The following ASMT variants were observed in gnomAD, a reference collection of about 807,000 sequenced individuals.
ASMT encodes the protein acetylserotonin N-methyltransferase.
A neutral mutation model predicts 41.3 loss-of-function variants in ASMT; 53 were observed. The ratio of observed to expected loss-of-function variants is 1.28; its 90% confidence interval spans 1.03 to 1.61. The LOEUF (loss-of-function observed/expected upper bound fraction) is 1.61. Among genes scored for constraint, ASMT ranks in the 40% most tolerant of loss-of-function variants. The probability of loss-of-function intolerance (pLI) is 0.00; values close to 1 mark genes in which losing one functional copy is unlikely to be tolerated. For synonymous variants in ASMT, 231 were observed against 184.8 expected, an observed-to-expected ratio of 1.25 and a Z score of -2.03; for missense variants, 531 against 441.3, an observed-to-expected ratio of 1.20 and a Z score of -1.82.
intron 7 of ASMT, 108 bp downstream of exon 7, chrX:1,633,398 C>A: frequency 7.5e-7 from 1 of 1,335,328 alleles, no homozygotes. Flanking sequence ...CTCTCACTCC[C>A]GGAAACACCC....
At chrX:1,635,741 A>C (rs1366203957) in intron 7 of ASMT, among the ~76,000 whole-genome samples, 1 of 151,458 alleles carries the variant, frequency 6.6e-6, no homozygotes, top group Non-Finnish European at 1.5e-5. Flanking sequence ...GGGTGCCTGT[A>C]ATCCCAGCTA....
chrX:1,620,750 A>G (rs1934308310), intron 1 of ASMT, among the ~76,000 whole-genome samples: 1 of 152,046 alleles, frequency 6.6e-6, no homozygotes, highest in East Asian at 1.9e-4. Context: ...TTAGCCTGGC[A>G]TGGTGGCGGG....
At chrX:1,636,207 T>C in intron 7 of ASMT, 1 of 605,954 alleles carries the variant, frequency 1.7e-6, no homozygotes, top group Non-Finnish European at 3.1e-6. Flanking sequence ...TCTGCCCACC[T>C]CCGCCTCCCA....
chrX:1,620,121 A>T (rs1172043269), intron 1 of ASMT, among the ~76,000 whole-genome samples: 58 of 151,340 alleles, frequency 3.8e-4, no homozygotes, highest in South Asian at 1.9e-3. Context: ...AATAAATAAA[A>T]AAGAAAAAGG....
chrX:1,635,275 C>T (rs1278648762), intron 7 of ASMT, among the ~76,000 whole-genome samples: 5 of 151,908 alleles, frequency 3.3e-5, no homozygotes, highest in South Asian at 2.1e-4. Context: ...TGAGCCACCG[C>T]GCCTGGCCTG....
At chrX:1,636,969 GCA>G (rs1934999560) in intron 8 of ASMT, among the ~76,000 whole-genome samples, 1 of 73,106 alleles carries the variant, frequency 1.4e-5, no homozygotes, top group African/African-American at 5.9e-5. Context: ...CATCCTGATG[GCA>G]CATGAGGATG....
rs767641035 is a variant in ASMT at position 1,623,324 on chromosome X, G to A, written c.244+11G>A. On this transcript the variant is annotated intron_variant, in intron 2 of 8. Coordinates refer to ENST00000381241, the MANE Select transcript of ASMT (RefSeq NM_001171038.2). ...CGAGGGGAGGAAAAGGTGAGGACACGGGCGTTTTGAAGGAGGCATTTTACA... is the reference window on the plus strand; with the variant it reads ...CGAGGGGAGGAAAAGGTGAGGACACAGGCGTTTTGAAGGAGGCATTTTACA... The A allele has an allele frequency of 5.6e-6, 9 of 1,613,900 alleles. No homozygotes were observed. The highest frequency in any genetic ancestry group is 4.4e-5 in the South Asian group (4 of 91,064).
chrX:1,618,317 C>T (rs762797695), intron 1 of ASMT, among the ~76,000 whole-genome samples: 43 of 152,254 alleles, frequency 2.8e-4, no homozygotes, highest in African/African-American at 1.0e-3. Flanking sequence ...GCGTCCACCA[C>T]CACGCCCGGC....
chrX:1,619,154 G>T (rs1402736363), intron 1 of ASMT, among the ~76,000 whole-genome samples: 1 of 152,132 alleles, frequency 6.6e-6, no homozygotes, highest in South Asian at 2.1e-4. Context: ...CCAGCACTTT[G>T]GGAGGCCGAG....
intron 1 of ASMT, among the ~76,000 whole-genome samples, chrX:1,616,221 G>C (rs1158187828): frequency 6.6e-6 from 1 of 151,436 alleles, no homozygotes; most frequent in Non-Finnish European, 1.5e-5. Flanking sequence ...TAGAGATGGG[G>C]TTTCACCATG....
intron 4 of ASMT, among the ~76,000 whole-genome samples, chrX:1,629,414 C>G (rs1227777913): frequency 1.3e-5 from 2 of 152,158 alleles, no homozygotes; most frequent in Non-Finnish European, 2.9e-5. Flanking sequence ...TCACCTGCCT[C>G]CCTTCCTAGT....
intron 1 of ASMT, among the ~76,000 whole-genome samples, chrX:1,621,197 G>A (rs1303569250): frequency 6.6e-6 from 1 of 152,204 alleles, no homozygotes; most frequent in Non-Finnish European, 1.5e-5. Context: ...AAGACACGTG[G>A]CCTGAAGAAA....
rs747051098 is a variant in ASMT, at chrX:1,623,945, G to A, written c.245-324G>A. Among the ~76,000 whole-genome samples, 43 of 152,164 alleles carry A rather than the reference G, an allele frequency of 2.8e-4. 2 individuals are homozygous for A. In the South Asian group the frequency reaches 8.1e-3, roughly 29 times the overall value. The stretch of plus-strand genomic sequence containing the variant: ...ATTACAGGTGTGAGCCACCACGCCC[G>A]GCCTCAATAAGTTATTTTAGACATT... On this transcript the variant is annotated intron_variant, in intron 2 of 8. Coordinates refer to ENST00000381241, the MANE Select transcript of ASMT (RefSeq NM_001171038.2).
Position 1,642,911 on chromosome X carries a change from G to C in ASMT, c.1019G>C (p.Arg340Thr), listed in dbSNP as rs763403681. The part of the protein sequence containing the change: ...NMLVQTEGQE[R>T]TPTHYHMLLS... ...CTTGTGCAGACGGAAGGGCAGGAGA[G>C]GACCCCCACCCACTACCACATGCTC... Residue 340 changes from arginine to threonine, a missense_variant, in exon 9 of 9, where the codon AGG becomes ACG. By Grantham distance (71) the Arg-to-Thr change is moderately conservative (BLOSUM62 -1). Transcript: ENST00000381241. 6.2e-7 allele frequency: 1 copy of C among 1,613,862 alleles called. No individual in the cohort carries two copies. Among genetic ancestry groups the C allele is most frequent in the East Asian group, 2.2e-5 (1 of 44,896 alleles).
chrX:1,619,182 T>A (rs752217532), intron 1 of ASMT, among the ~76,000 whole-genome samples: 127 of 151,844 alleles, frequency 8.4e-4, no homozygotes, highest in African/African-American at 2.6e-3. Flanking sequence ...GATCACAAGG[T>A]CAGGAGTTCG....
chrX:1,623,455 C>T (rs754452021), intron 2 of ASMT, 142 bp downstream of exon 2: 358 of 1,098,784 alleles, frequency 3.3e-4, no homozygotes, highest in Non-Finnish European at 4.2e-4. Context: ...AAAAATTAGC[C>T]GGGTGTGGTG....
chrX:1,615,832 AG>A (rs1285927415), intron 1 of ASMT, among the ~76,000 whole-genome samples: 1 of 152,016 alleles, frequency 6.6e-6, no homozygotes, highest in Non-Finnish European at 1.5e-5. Context: ...ACAAAAAAAA[AG>A]AAACAAAGCT....
At position 1,623,196 on chromosome X, in the gene ASMT, C is replaced by T. The variant is rs1225747934; in HGVS notation, c.127C>T (p.Pro43Ser). The change falls in exon 2 of 9, where the codon CCC becomes TCC. Residue 43 changes from proline (P) to serine (S), a missense_variant. Pro to Ser is a moderately conservative substitution (Grantham distance 74). Transcript: ENST00000381241. ...VFDLLAEAPG[P>S]LDVAAVAAGV... ...TGACCTTCTCGCCGAGGCCCCAGGG[C>T]CCCTGGACGTGGCGGCAGTGGCTGC... is the stretch of plus-strand genomic sequence containing the variant. 6.2e-7 allele frequency: 1 copy of T among 1,613,256 alleles called. No homozygotes were observed. The highest frequency in any genetic ancestry group is 8.5e-7 in the Non-Finnish European group (1 of 1,179,864).
chrX:1,630,823 G>A (rs1382285497), intron 5 of ASMT, among the ~76,000 whole-genome samples: 1 of 151,950 alleles, frequency 6.6e-6, no homozygotes, highest in Non-Finnish European at 1.5e-5. Flanking sequence ...CTCCAAAAGT[G>A]CTGGGATTAC....
Sources: gnomAD v4.1 joint callset for allele counts (sites outside exome capture counted in the v4.1 genomes callset) on GRCh38, gnomAD v4.1.1 for gene constraint, MANE v1.5 for transcripts, NCBI Gene and HGNC (gene_info 2026-07-23, HGNC 2026-07-21) for gene names.